The following CGNL1 variants were observed in gnomAD, a reference collection of about 807,000 sequenced individuals.
CGNL1 encodes the protein cingulin-like protein 1.
A neutral mutation model predicts 141.2 loss-of-function variants in CGNL1; 132 were observed. The observed-to-expected ratio is 0.93, with a 90% CI of 0.81 to 1.08. CGNL1 has a LOEUF of 1.08. Ranked by LOEUF, CGNL1 falls within the 50% of genes least tolerant of loss-of-function variation. The pLI, the probability that CGNL1 is intolerant of heterozygous loss-of-function variation, is 0.00. For synonymous variants in CGNL1, 690 were observed against 622.1 expected (o/e 1.11, Z -1.63); for missense variants, 1,870 against 1,588.6 (o/e 1.18, Z -3.01).
At chr15:57,465,534 G>A (rs1284975427) in intron 8 of CGNL1, among the ~76,000 whole-genome samples, 6 of 151,652 alleles carry the variant, frequency 4.0e-5, no homozygotes, top group African/African-American at 1.5e-4. Flanking sequence ...GGGATTACAG[G>A]CATGCGCCAC....
At chr15:57,457,026 A>G (rs1265947709) in intron 7 of CGNL1, among the ~76,000 whole-genome samples, 1 of 152,220 alleles carries the variant, frequency 6.6e-6, no homozygotes, top group Non-Finnish European at 1.5e-5. Context: ...CAAAAATACC[A>G]TGATTCTCAC....
At chr15:57,387,950 C>CT (rs1384250230) in intron 1 of CGNL1, among the ~76,000 whole-genome samples, 1 of 152,206 alleles carries the variant, frequency 6.6e-6, no homozygotes, top group African/African-American at 2.4e-5. Context: ...TCCTGCCCCC[C>CT]TCAGCTGCCA....
chr15:57,409,837 GAAAT>G (rs2062766238), intron 1 of CGNL1, among the ~76,000 whole-genome samples: 1 of 152,162 alleles, frequency 6.6e-6, no homozygotes, highest in Non-Finnish European at 1.5e-5. Flanking sequence ...AAAAAATAGA[GAAAT>G]AAGTCCAATA....
intron 5 of CGNL1, 115 bp from the exon 6 acceptor site, chr15:57,452,026 G>A (rs2063327966): frequency 1.2e-6 from 1 of 851,280 alleles, no homozygotes; most frequent in African/African-American, 1.7e-5. Flanking sequence ...GTTTGATTAA[G>A]TTGTTTAATA....
intron 1 of CGNL1, among the ~76,000 whole-genome samples, chr15:57,401,729 C>G (rs1445774195): frequency 6.6e-6 from 1 of 152,166 alleles, no homozygotes; most frequent in Non-Finnish European, 1.5e-5. Context: ...ATGACGCATT[C>G]TGTGGTAAAG....
At chr15:57,431,985 G>C (rs1186519993) in intron 1 of CGNL1, among the ~76,000 whole-genome samples, 3 of 152,216 alleles carry the variant, frequency 2.0e-5, no homozygotes, top group Admixed American at 6.5e-5. Context: ...TTAAGCTCAA[G>C]ACTGCACTGA....
At chr15:57,405,419 G>T (rs1404889627) in intron 1 of CGNL1, among the ~76,000 whole-genome samples, 1 of 152,198 alleles carries the variant, frequency 6.6e-6, no homozygotes, top group Non-Finnish European at 1.5e-5. Flanking sequence ...TTTGGGAGCT[G>T]TGTGTGACCT....
chr15:57,509,856 G>A (rs1268151141), intron 8 of CGNL1, among the ~76,000 whole-genome samples: 1 of 152,162 alleles, frequency 6.6e-6, no homozygotes, highest in African/African-American at 2.4e-5. Context: ...TCAGCATGTT[G>A]AAGCATGCTG....
At chr15:57,528,880 C>A (rs1381279584) in intron 13 of CGNL1, 65 bp downstream of exon 13, 5 of 1,533,708 alleles carry the variant, frequency 3.3e-6, no homozygotes, top group Admixed American at 3.9e-5. Flanking sequence ...ACGAGAGAAG[C>A]AGCCTCTTTG....
rs576090163 is a variant in CGNL1, at chr15:57,417,793, A to G, written c.-15-20192A>G. 4.6e-5 allele frequency among the ~76,000 whole-genome samples: 7 copies of G among 152,326 alleles called. No individual in the cohort carries two copies. In the South Asian group the frequency reaches 1.5e-3, roughly 32 times the overall value. ...AGATGGATGATGGAGACAAATATTA[A>G]TTAAAACAAAAATCATCTAAATGTG... On this transcript the variant is annotated intron_variant, in intron 1 of 18. Transcript: ENST00000281282.
intron 7 of CGNL1, among the ~76,000 whole-genome samples, chr15:57,454,173 C>A (rs1239209406): frequency 3.3e-5 from 5 of 152,104 alleles, no homozygotes; most frequent in African/African-American, 9.7e-5. Context: ...TATCTCTGCA[C>A]CCATTTAGGT....
chr15:57,435,170 T>G (rs1443766240), intron 1 of CGNL1, among the ~76,000 whole-genome samples: 1 of 152,166 alleles, frequency 6.6e-6, no homozygotes, highest in Non-Finnish European at 1.5e-5. Context: ...AGTAAAAATT[T>G]TATAAGAAAA....
At position 57,524,606 on chromosome 15, in the gene CGNL1, G is replaced by T. The variant is rs777653258; in HGVS notation, c.2894G>T (p.Arg965Leu). The T allele has an allele frequency of 1.2e-6, 2 of 1,613,736 alleles. No individual in the cohort carries two copies. Among genetic ancestry groups the T allele is most frequent in the Admixed American group, 3.3e-5 (2 of 59,980 alleles). ...ATGGCAGACATTGTTGAGGCCTCCC[G>T]TACCTCAACCCTGGAGCTCCAGAAC... The part of the protein sequence containing the change: ...KEMADIVEAS[R>L]TSTLELQNQL... The change falls in exon 12 of 19, where the codon CGT (arginine) becomes CTT (leucine). Residue 965 changes from arginine (R) to leucine (L), a missense_variant. Transcript: ENST00000281282.
At chr15:57,480,531 AAAAG>A (rs1269519846) in intron 8 of CGNL1, among the ~76,000 whole-genome samples, 1 of 152,140 alleles carries the variant, frequency 6.6e-6, no homozygotes, top group Non-Finnish European at 1.5e-5. Flanking sequence ...AAAAAAGAAA[AAAAG>A]AAAGAAAATA....
At chr15:57,495,943 C>T (rs1230885176) in intron 8 of CGNL1, among the ~76,000 whole-genome samples, 5 of 152,068 alleles carry the variant, frequency 3.3e-5, no homozygotes, top group Admixed American at 1.3e-4. Flanking sequence ...AGCATATTTC[C>T]AGAAGGCCAA....
At chr15:57,520,452 G>T (rs1438566907) in intron 10 of CGNL1, among the ~76,000 whole-genome samples, 2 of 152,168 alleles carry the variant, frequency 1.3e-5, no homozygotes, top group African/African-American at 2.4e-5. Context: ...CATAGTAGCT[G>T]AAGACGCTGG....
At chr15:57,476,290 G>C (rs2063656840) in intron 8 of CGNL1, among the ~76,000 whole-genome samples, 1 of 152,124 alleles carries the variant, frequency 6.6e-6, no homozygotes, top group Non-Finnish European at 1.5e-5. Context: ...GTGACTTATG[G>C]GTGGGCAAGG....
At chr15:57,468,827 G>C (rs2063544279) in intron 8 of CGNL1, among the ~76,000 whole-genome samples, 1 of 152,184 alleles carries the variant, frequency 6.6e-6, no homozygotes, top group Non-Finnish European at 1.5e-5. Flanking sequence ...CCCCCATACT[G>C]TTCTCATGGT....
intron 1 of CGNL1, among the ~76,000 whole-genome samples, chr15:57,395,696 G>T (rs1706341): frequency 0.58 from 87,810 of 152,058 alleles, 25,625 homozygotes; most frequent in African/African-American, 0.61. Context: ...CGTTAAGCAC[G>T]CTATGTGCAT....
Sources: gnomAD v4.1 joint callset for allele counts (sites outside exome capture counted in the v4.1 genomes callset) on GRCh38, gnomAD v4.1.1 for gene constraint, MANE v1.5 for transcripts, NCBI Gene and HGNC (gene_info 2026-07-23, HGNC 2026-07-21) for gene names.